Variants in PRR14L observed in about 807,000 individuals in gnomAD.
The protein encoded by PRR14L is proline rich 14 like, also known as protein PRR14L.
Under a neutral mutation model 155.0 loss-of-function variants are expected in PRR14L, and 80 were observed. The observed-to-expected ratio is 0.52, with a 90% confidence interval of 0.43 to 0.62. PRR14L has a LOEUF of 0.62. PRR14L is among the 20% of genes least tolerant of loss of function. The pLI is 0.00. For missense variants in PRR14L, 2,469 were observed against 2,548.0 expected, an observed-to-expected ratio of 0.97 and a Z score of 0.67; for synonymous variants, 883 against 916.0, an observed-to-expected ratio of 0.96 and a Z score of 0.65.
At position 31,742,959 on chromosome 22, in the gene PRR14L, A is replaced by G. The variant is rs73404109; in HGVS notation, c.-51-4048T>C. Reference sequence around the variant, plus strand: ...GACATTATGCTAAGTGAAAGAAGCCAGTCACAGAGATCACATATTACAAGA... The same window carrying G: ...GACATTATGCTAAGTGAAAGAAGCCGGTCACAGAGATCACATATTACAAGA... On this transcript the variant is annotated intron_variant, in intron 1 of 8. Coordinates refer to ENST00000327423, the MANE Select transcript of PRR14L (RefSeq NM_173566.3). 8.7e-3 allele frequency among the ~76,000 whole-genome samples: 1,321 copies of G among 152,336 alleles called. 18 individuals are homozygous for G. The highest frequency in any genetic ancestry group is 0.029 in the African/African-American group (1,208 of 41,570).
At chr22:31,701,388 T>A (rs2074562618) in intron 7 of PRR14L, among the ~76,000 whole-genome samples, 1 of 152,178 alleles carries the variant, frequency 6.6e-6, no homozygotes, top group South Asian at 2.1e-4. Flanking sequence ...GTTGGGTAAA[T>A]CCTGTGACAC....
intron 7 of PRR14L, among the ~76,000 whole-genome samples, chr22:31,694,238 C>T (rs1175357557): frequency 6.6e-6 from 1 of 152,224 alleles, no homozygotes; most frequent in Admixed American, 6.5e-5. Context: ...GATCGTGCCA[C>T]TGCACTCCAG....
chr22:31,741,212 C>T (rs186398437), intron 1 of PRR14L, among the ~76,000 whole-genome samples: 42 of 137,672 alleles, frequency 3.1e-4, no homozygotes, highest in African/African-American at 1.1e-3. Flanking sequence ...GAGATTGCGC[C>T]ACTGCACTCC....
At chr22:31,749,326 AAG>A (rs1476298153) in intron 1 of PRR14L, among the ~76,000 whole-genome samples, 1 of 152,198 alleles carries the variant, frequency 6.6e-6, no homozygotes, top group East Asian at 1.9e-4. Context: ...TAAAGGGAAG[AAG>A]AGAAGCGAGG....
chr22:31,712,840 T>C lies in PRR14L; in HGVS notation c.4999A>G (p.Thr1667Ala). ...GCCAAATATGGATTCAGCTGCTCTG[T>C]GCTGGATGAAAATCCGTCCAGGAGT... is the stretch of plus-strand genomic sequence containing the variant. ...KRLLDGFSSS[T>A]EQLNPYLAAS... Residue 1667 changes from threonine (T) to alanine (A), a missense_variant, in exon 4 of 9, where the codon ACA becomes GCA. Thr to Ala is a moderately conservative substitution (Grantham distance 58, BLOSUM62 0). Coordinates refer to ENST00000327423, the MANE Select transcript of PRR14L (RefSeq NM_173566.3). 3.2e-6 allele frequency: 5 copies of C among 1,552,100 alleles called. No homozygotes were observed. Among genetic ancestry groups the C allele is most frequent in the Non-Finnish European group, 4.4e-6 (5 of 1,147,084 alleles).
In PRR14L at chr22:31,715,202, G is replaced by A; in HGVS notation, c.2637C>T (p.Gly879=). 6.4e-7 allele frequency: 1 copy of A among 1,552,148 alleles called. No individual in the cohort carries two copies. Among genetic ancestry groups the A allele is most frequent in the Non-Finnish European group, 8.7e-7 (1 of 1,147,060 alleles). Residue 879 remains glycine (G), a synonymous_variant, in exon 4 of 9, where the codon GGC becomes GGT. Coordinates refer to ENST00000327423, the MANE Select transcript of PRR14L (RefSeq NM_173566.3). ...TGTTTGAAATTCCACTATTTAACAA[G>A]CCTGCTACCATTTTGTTTCTGATCT... The part of the protein sequence containing the change: ...GDKIRNKMVA[G]LLNSGISNKT...
chr22:31,722,416 A>G (rs1287117715), intron 3 of PRR14L, among the ~76,000 whole-genome samples: 1 of 146,824 alleles, frequency 6.8e-6, no homozygotes, highest in East Asian at 2.0e-4. Flanking sequence ...GGTGACAGAA[A>G]GAAAAAAAAA....
In PRR14L at chr22:31,715,845, T is replaced by C. The variant is rs2074655714; in HGVS notation, c.1994A>G (p.Asn665Ser). 1 of 1,551,564 alleles carries C rather than the reference T, an allele frequency of 6.4e-7. No homozygotes were observed. Among genetic ancestry groups the C allele is most frequent in the Admixed American group, 2.0e-5 (1 of 50,982 alleles). Residue 665 changes from asparagine (N) to serine (S), a missense_variant, in exon 4 of 9, where the codon AAT (asparagine) becomes AGT (serine). This residue lies in a region of PRR14L where 2,363 missense variants were observed against 2,371.6 expected (regional missense o/e 1.00). Coordinates refer to ENST00000327423, the MANE Select transcript of PRR14L (RefSeq NM_173566.3). The stretch of plus-strand genomic sequence containing the variant: ...ATGCAGTAGAGAGTCAGTTGGCAAA[T>C]TTGCATGTTCTTGAGAATTAAGGGA... ...QVSLNSQEHANLPTDSLLHLN... is the reference protein window; with the variant it reads ...QVSLNSQEHASLPTDSLLHLN...
At chr22:31,692,922 G>A (rs1293246751) in intron 7 of PRR14L, among the ~76,000 whole-genome samples, 2 of 152,160 alleles carry the variant, frequency 1.3e-5, no homozygotes, top group Non-Finnish European at 2.9e-5. Context: ...TTACAGGCGT[G>A]AGCCACCATG....
chr22:31,719,521 G>A (rs937229230), intron 3 of PRR14L, among the ~76,000 whole-genome samples: 3 of 152,090 alleles, frequency 2.0e-5, no homozygotes, highest in African/African-American at 7.2e-5. Context: ...TTATAGTTCA[G>A]CATAATGCCT....
rs1321888982 is a variant in PRR14L at position 31,704,726 on chromosome 22, G to A, written c.5757C>T (p.Ser1919=). 3.1e-6 allele frequency: 5 copies of A among 1,613,446 alleles called. No homozygotes were observed. Among genetic ancestry groups the A allele is most frequent in the Admixed American group, 1.7e-5 (1 of 59,978 alleles). ...KRQPSLGTTS[S]HTMLPYVPLP... is the part of the protein sequence containing the mutation. ...GAGGCACATATGGTAACATGGTGTG[G>A]CTAAAGTAAAGCAAAAGTACAAAAG... The change falls in exon 5 of 9, where the codon AGC becomes AGT. Residue 1919 remains serine, a splice_region_variant and synonymous_variant. Transcript: ENST00000327423.
In PRR14L at chr22:31,745,304, G is replaced by T. The variant is rs542600242; in HGVS notation, c.-52+4689C>A. On this transcript the variant is annotated intron_variant, in intron 1 of 8. Coordinates refer to ENST00000327423, the MANE Select transcript of PRR14L (RefSeq NM_173566.3). ...AGGCAGGAGAATGGCATGAACCTGG[G>T]AGGCAGAGTTTGCAGTGAGCGGAGA... is the stretch of plus-strand genomic sequence containing the variant. Among the ~76,000 whole-genome samples the T allele has an allele frequency of 4.3e-3, 649 of 152,312 alleles. 4 individuals are homozygous for T. Among genetic ancestry groups the T allele is most frequent in the Middle Eastern group, 0.01 (3 of 292 alleles).
rs2074834791 is a variant in PRR14L, at chr22:31,745,852, AAAAAAAAAAAT to A, written c.-52+4130_-52+4140del. 3.5e-5 allele frequency among the ~76,000 whole-genome samples: 5 copies of A among 143,460 alleles called. No individual in the cohort carries two copies. In the South Asian group the frequency reaches 1.1e-3, roughly 32 times the overall value. The allele number at this position is 143,460 out of a possible 152,430, so 94.1% of individuals were successfully genotyped here. On this transcript the variant is annotated intron_variant, in intron 1 of 8. Transcript: ENST00000327423. Reference sequence around the variant, plus strand: ...AGAGGGAGACTCAGTTTAAAAAAAAAAAAAAAAAAATATATATATATATATAAGCCAAGTAT... The same window carrying A: ...AGAGGGAGACTCAGTTTAAAAAAAAAATATATATATATATAAGCCAAGTAT...
At chr22:31,719,886 G>A (rs1018250285) in intron 3 of PRR14L, among the ~76,000 whole-genome samples, 11 of 152,040 alleles carry the variant, frequency 7.2e-5, no homozygotes, top group Non-Finnish European at 1.5e-4. Context: ...GTAGGCACAC[G>A]CCACCATGTC....
Position 31,715,166 on chromosome 22 carries a change from G to A in PRR14L, c.2673C>T (p.His891=), listed in dbSNP as rs2147864477. ...CACTGAGTTTGATGCTACTGGAGGT[G>A]TGAATGGTTTTGTTTGAAATTCCAC... is the stretch of plus-strand genomic sequence containing the variant. ...LNSGISNKTI[H]TSSSIKLSEE... The change falls in exon 4 of 9, where the codon CAC becomes CAT. Residue 891 remains histidine (H), a synonymous_variant. Transcript: ENST00000327423. 1.9e-6 allele frequency: 3 copies of A among 1,551,832 alleles called. No homozygotes were observed. The highest frequency in any genetic ancestry group is 2.6e-6 in the Non-Finnish European group (3 of 1,146,866).
At chr22:31,722,122 A>AT (rs2074693508) in intron 3 of PRR14L, among the ~76,000 whole-genome samples, 1 of 152,154 alleles carries the variant, frequency 6.6e-6, no homozygotes, top group Non-Finnish European at 1.5e-5. Context: ...TATATATTAG[A>AT]TTTTCATCGA....
chr22:31,742,664 G>A (rs2074818857), intron 1 of PRR14L, among the ~76,000 whole-genome samples: 1 of 152,062 alleles, frequency 6.6e-6, no homozygotes, highest in East Asian at 1.9e-4. Flanking sequence ...ACTGCACCTG[G>A]CCTAAAACTC....
chr22:31,712,180 T>A lies in PRR14L; in HGVS notation c.5659A>T (p.Ile1887Phe), dbSNP rs142050508. 6.2e-7 allele frequency: 1 copy of A among 1,613,976 alleles called. No individual in the cohort carries two copies. The highest frequency in any genetic ancestry group is 1.3e-5 in the African/African-American group (1 of 74,894). Residue 1887 changes from isoleucine to phenylalanine, a missense_variant, in exon 4 of 9, where the codon ATT becomes TTT. Physicochemically the swap from Ile to Phe is conservative, Grantham distance 21. Coordinates refer to ENST00000327423, the MANE Select transcript of PRR14L (RefSeq NM_173566.3). ...LPYSVGRVLS[I>F]WSQHGPSVCS... Reference sequence around the variant, plus strand: ...ACAGAAGGACCATGCTGGCTCCAAATGGATAGGACTCTGCCCACCGAGTAG... The same window carrying A: ...ACAGAAGGACCATGCTGGCTCCAAAAGGATAGGACTCTGCCCACCGAGTAG...
In PRR14L at chr22:31,713,925, T is replaced by C. The variant is rs35027698; in HGVS notation, c.3914A>G (p.Glu1305Gly). 8,006 of 1,551,886 alleles carry C rather than the reference T, an allele frequency of 5.2e-3. 125 individuals are homozygous for C. The highest frequency in any genetic ancestry group is 0.045 in the African/African-American group (3,302 of 73,172). ...GTGACAAGCTTTGCAAGCATTCTTTTCCACACAGGTACATACGCTGTCTCT... is the reference window on the plus strand; with the variant it reads ...GTGACAAGCTTTGCAAGCATTCTTTCCCACACAGGTACATACGCTGTCTCT... Reference protein sequence around the residue: ...SDRDSVCTCVEKNACKACHPH... With the variant: ...SDRDSVCTCVGKNACKACHPH... The change falls in exon 4 of 9, where the codon GAA becomes GGA. Residue 1305 changes from glutamate to glycine, a missense_variant. Transcript: ENST00000327423.
Sources: allele counts gnomAD v4.1 joint callset (sites outside exome capture counted in the v4.1 genomes callset), GRCh38; gene constraint gnomAD v4.1.1; regional missense constraint gnomAD v4.1.1; transcripts MANE v1.5; gene names NCBI Gene and HGNC (gene_info 2026-07-23, HGNC 2026-07-21).